The following ACYP2 variants were observed in gnomAD, a reference collection of about 807,000 sequenced individuals.
The protein encoded by ACYP2 is acylphosphatase 2, also known as acylphosphatase-2.
ACYP2 carries 12 observed loss-of-function variants against 11.2 expected under a neutral mutation model. The observed-to-expected ratio is 1.08, with a 90% CI of 0.69 to 1.74. ACYP2 has a LOEUF of 1.74. ACYP2 is among the 40% of genes most tolerant of loss of function. The pLI is 0.00. For missense variants in ACYP2, 134 were observed against 101.9 expected, an observed-to-expected ratio of 1.31 and a Z score of -1.35; for synonymous variants, 43 against 32.2, an observed-to-expected ratio of 1.33 and a Z score of -1.13.
chr2:54,261,869 T>A (rs1687794991), intron 6 of ACYP2, among the ~76,000 whole-genome samples: 1 of 152,232 alleles, frequency 6.6e-6, no homozygotes. Context: ...TTTATCAAAC[T>A]GTTTGTGAAG....
At chr2:54,101,185 C>A (rs775060454) in intron 4 of ACYP2, among the ~76,000 whole-genome samples, 2 of 152,080 alleles carry the variant, frequency 1.3e-5, no homozygotes. Flanking sequence ...TAGGGAAGAA[C>A]CCTTGATCAA....
At chr2:54,180,825 G>A (rs1683676321) in intron 6 of ACYP2, among the ~76,000 whole-genome samples, 1 of 152,170 alleles carries the variant, frequency 6.6e-6, no homozygotes, top group Admixed American at 6.5e-5. Flanking sequence ...AAAATTCTGA[G>A]ATTTCAGGCG....
chr2:54,005,996 C>T (rs184738234), intron 2 of ACYP2, among the ~76,000 whole-genome samples: 5 of 152,226 alleles, frequency 3.3e-5, no homozygotes, highest in East Asian at 1.9e-4. Flanking sequence ...ATAGGCCGGG[C>T]GTGGTGAGAC....
At chr2:54,213,871 G>T (rs899203510) in intron 6 of ACYP2, among the ~76,000 whole-genome samples, 1 of 151,800 alleles carries the variant, frequency 6.6e-6, no homozygotes. Flanking sequence ...GGGCCCAAGC[G>T]ATCCTCCTGC....
At chr2:54,088,714 G>A (rs999326346) in intron 4 of ACYP2, among the ~76,000 whole-genome samples, 1 of 152,204 alleles carries the variant, frequency 6.6e-6, no homozygotes, top group African/African-American at 2.4e-5. Context: ...TGAGACTGTG[G>A]CTTAAAGTGA....
At chr2:54,177,544 A>G (rs1683513229) in intron 6 of ACYP2, among the ~76,000 whole-genome samples, 1 of 142,716 alleles carries the variant, frequency 7.0e-6, no homozygotes, top group Non-Finnish European at 1.5e-5. Context: ...TATGCCATCT[A>G]TTTCCTGGCA....
intron 3 of ACYP2, among the ~76,000 whole-genome samples, chr2:54,053,704 C>T (rs538518668): frequency 6.6e-6 from 1 of 152,238 alleles, no homozygotes; most frequent in African/African-American, 2.4e-5. Flanking sequence ...GAGCTCTGAT[C>T]CCTTCCTCCA....
Position 54,293,859 on chromosome 2 carries a change from A to G in ACYP2, c.405-10829A>G, listed in dbSNP as rs72901523. Among the ~76,000 whole-genome samples the G allele has an allele frequency of 7.6e-3, 1,157 of 152,350 alleles. 20 individuals carry two copies. The highest frequency in any genetic ancestry group is 0.026 in the African/African-American group (1,097 of 41,582). On this transcript the variant is annotated intron_variant, in intron 6 of 6. Coordinates refer to ENST00000607452, the MANE Select transcript of ACYP2 (RefSeq NM_001320586.2). The stretch of plus-strand genomic sequence containing the variant: ...AATATTTCAGACATTAAAACATTTG[A>G]TAATAAAGGAGTCTATGGTATTATT...
intron 4 of ACYP2, among the ~76,000 whole-genome samples, chr2:54,116,603 C>G (rs1302873574): frequency 6.6e-6 from 1 of 150,678 alleles, no homozygotes; most frequent in East Asian, 1.9e-4. Flanking sequence ...TCTTAATTTC[C>G]TTTGACAATA....
chr2:54,255,532 G>A, intron 6 of ACYP2: 1 of 1,613,828 alleles, frequency 6.2e-7, no homozygotes, highest in Non-Finnish European at 8.5e-7. Context: ...CAGCTGGATG[G>A]ACTCCAGGGG....
chr2:53,982,375 A>G (rs1442782826), intron 2 of ACYP2, among the ~76,000 whole-genome samples: 2 of 152,190 alleles, frequency 1.3e-5, no homozygotes, highest in Non-Finnish European at 2.9e-5. Flanking sequence ...TCCAGTGTGT[A>G]TTATATATTC....
At chr2:54,224,380 C>T (rs544481805) in intron 6 of ACYP2, among the ~76,000 whole-genome samples, 81 of 152,306 alleles carry the variant, frequency 5.3e-4, no homozygotes, top group Middle Eastern at 3.4e-3. Flanking sequence ...AGAAAGGATG[C>T]GGGGGTTGTC....
At chr2:54,294,093 C>T (rs1013848747) in intron 6 of ACYP2, among the ~76,000 whole-genome samples, 4 of 152,128 alleles carry the variant, frequency 2.6e-5, no homozygotes, top group African/African-American at 9.7e-5. Context: ...TCATTTTATA[C>T]TGGCGCTGAA....
At chr2:53,972,957 G>A (rs1214066586) in intron 1 of ACYP2, among the ~76,000 whole-genome samples, 2 of 151,754 alleles carry the variant, frequency 1.3e-5, no homozygotes, top group East Asian at 1.9e-4. Flanking sequence ...ACGACAGGAG[G>A]GAAGGAAATA....
At chr2:54,276,619 T>TCACACACA (rs3071186) in intron 6 of ACYP2, among the ~76,000 whole-genome samples, 1,748 of 146,180 alleles carry the variant, frequency 0.012, 17 homozygotes, top group South Asian at 0.018. Flanking sequence ...GATTGTTCTT[T>TCACACACA]CACACACACA....
At chr2:54,134,267 T>C (rs1681094727) in intron 4 of ACYP2, among the ~76,000 whole-genome samples, 1 of 152,064 alleles carries the variant, frequency 6.6e-6, no homozygotes, top group Non-Finnish European at 1.5e-5. Context: ...TATTCCAGCC[T>C]GGGTGCAGAG....
At chr2:53,991,758 G>A (rs957455983) in intron 2 of ACYP2, among the ~76,000 whole-genome samples, 8 of 151,788 alleles carry the variant, frequency 5.3e-5, no homozygotes, top group Non-Finnish European at 1.0e-4. Flanking sequence ...CAGGCACTCC[G>A]ACCTTCTCTC....
intron 6 of ACYP2, among the ~76,000 whole-genome samples, chr2:54,207,553 C>T (rs1038251749): frequency 6.6e-6 from 1 of 152,154 alleles, no homozygotes; most frequent in African/African-American, 2.4e-5. Context: ...CAATTAAGCA[C>T]CATAGTCTAG....
intron 4 of ACYP2, among the ~76,000 whole-genome samples, chr2:54,131,485 G>C (rs1680895086): frequency 6.6e-6 from 1 of 152,184 alleles, no homozygotes; most frequent in African/African-American, 2.4e-5. Flanking sequence ...GGTACAGATG[G>C]AGGGAGAAAT....
Sources: allele counts gnomAD v4.1 joint callset (sites outside exome capture counted in the v4.1 genomes callset), GRCh38; gene constraint gnomAD v4.1.1; transcripts MANE v1.5; gene names NCBI Gene and HGNC (gene_info 2026-07-23, HGNC 2026-07-21).